The following CFAP58 variants were observed in gnomAD, a reference collection of about 807,000 sequenced individuals.
CFAP58 encodes cilia and flagella associated protein 58.
In CFAP58, 88 loss-of-function variants were observed where a neutral mutation model predicts 119.5. The observed-to-expected ratio is 0.74, with a 90% CI of 0.62 to 0.88. The LOEUF (loss-of-function observed/expected upper bound fraction) is 0.88, where lower values mean the gene tolerates loss of function less well. Among genes scored for constraint, CFAP58 ranks in the 40% least tolerant of loss-of-function variants. CFAP58 has a pLI of 0.00. For synonymous variants in CFAP58, 365 were observed against 366.3 expected (o/e 1.00, Z 0.04); for missense variants, 990 against 1,021.2 (o/e 0.97, Z 0.42).
intron 15 of CFAP58, among the ~76,000 whole-genome samples, chr10:104,445,538 A>G (rs1357933299): frequency 6.6e-6 from 1 of 152,018 alleles, no homozygotes; most frequent in Non-Finnish European, 1.5e-5. Flanking sequence ...TACCATCATT[A>G]CTCTCTAATG....
chr10:104,361,936 TG>T, intron 2 of CFAP58, 86 bp from the exon 3 acceptor site: 2 of 1,261,880 alleles, frequency 1.6e-6, no homozygotes, highest in Non-Finnish European at 1.1e-6. Flanking sequence ...AACTACACTG[TG>T]GTCATGGTAT....
chr10:104,362,533 C>T (rs2014684053), intron 3 of CFAP58, among the ~76,000 whole-genome samples: 1 of 152,072 alleles, frequency 6.6e-6, no homozygotes, highest in African/African-American at 2.4e-5. Flanking sequence ...CATCACCAAC[C>T]CTCCCACCCT....
chr10:104,358,026 T>TAC (rs1554912753), intron 1 of CFAP58, among the ~76,000 whole-genome samples: 4 of 146,710 alleles, frequency 2.7e-5, no homozygotes, highest in African/African-American at 7.9e-5. Context: ...TGTACATATA[T>TAC]ATACATATGT....
chr10:104,420,751 ATTTTT>A (rs66462966), intron 15 of CFAP58, among the ~76,000 whole-genome samples: 1 of 121,624 alleles, frequency 8.2e-6, no homozygotes. Context: ...TTTATATTTG[ATTTTT>A]TTTTTTTTTT....
At chr10:104,404,889 G>A (rs973746176) in intron 14 of CFAP58, among the ~76,000 whole-genome samples, 2 of 152,162 alleles carry the variant, frequency 1.3e-5, no homozygotes, top group Non-Finnish European at 1.5e-5. Flanking sequence ...GAGCCACCAC[G>A]CCCAGGCTTT....
At chr10:104,454,245 C>A (rs1472127827) in intron 17 of CFAP58, among the ~76,000 whole-genome samples, 177 bp from the exon 18 acceptor site, 1 of 151,990 alleles carries the variant, frequency 6.6e-6, no homozygotes, top group Non-Finnish European at 1.5e-5. Context: ...AATTGTCTTG[C>A]CCTAATTTTA....
chr10:104,382,478 T>C, intron 9 of CFAP58: 1 of 393,150 alleles, frequency 2.5e-6, no homozygotes, highest in Non-Finnish European at 4.7e-6. Context: ...ATTATTACTC[T>C]GGATATAAAC....
intron 15 of CFAP58, among the ~76,000 whole-genome samples, chr10:104,433,726 A>G (rs2012886970): frequency 6.6e-6 from 1 of 152,260 alleles, no homozygotes; most frequent in Non-Finnish European, 1.5e-5. Flanking sequence ...CAACTTGAGT[A>G]TTTAATTCCA....
chr10:104,402,897 TGA>T (rs771929875), intron 13 of CFAP58, among the ~76,000 whole-genome samples: 4 of 152,068 alleles, frequency 2.6e-5, no homozygotes, highest in Non-Finnish European at 4.4e-5. Flanking sequence ...CAATGTGTAG[TGA>T]GGGTAGAGAC....
chr10:104,366,675 C>A (rs1228485461), intron 5 of CFAP58, among the ~76,000 whole-genome samples: 1 of 152,052 alleles, frequency 6.6e-6, no homozygotes, highest in African/African-American at 2.4e-5. Context: ...GTACCAGCAT[C>A]ATTTCAAGTA....
At chr10:104,350,431 T>A (rs920589318), upstream of CFAP58, among the ~76,000 whole-genome samples, 1 of 152,190 alleles carries the variant, frequency 6.6e-6, no homozygotes, top group Non-Finnish European at 1.5e-5. Flanking sequence ...TCCAGAAAAT[T>A]GGAAATCAAA....
chr10:104,357,887 ATAAACATATATG>A (rs1468162508), intron 1 of CFAP58, among the ~76,000 whole-genome samples: 1,507 of 123,406 alleles, frequency 0.012, 32 homozygotes, highest in South Asian at 0.033. Context: ...GTACACATAT[ATAAACATATATG>A]TACACATATA....
chr10:104,339,143 C>A, the CFAP58 span, among the ~76,000 whole-genome samples: 12 of 152,256 alleles, frequency 7.9e-5, no homozygotes, highest in East Asian at 2.3e-3. Flanking sequence ...CCCTTCTCGG[C>A]CTTCCGAAGC....
intron 9 of CFAP58, among the ~76,000 whole-genome samples, chr10:104,390,334 T>C (rs1326000902): frequency 6.6e-6 from 1 of 152,170 alleles, no homozygotes; most frequent in East Asian, 1.9e-4. Flanking sequence ...CTACAAGGTA[T>C]TATTTGATGA....
At chr10:104,366,571 T>C (rs2014753966) in intron 5 of CFAP58, among the ~76,000 whole-genome samples, 1 of 152,274 alleles carries the variant, frequency 6.6e-6, no homozygotes, top group Non-Finnish European at 1.5e-5. Context: ...GTTATAGACT[T>C]GTGATGCCCA....
intron 7 of CFAP58, among the ~76,000 whole-genome samples, chr10:104,372,561 C>T (rs1251198924): frequency 6.6e-6 from 1 of 152,090 alleles, no homozygotes; most frequent in East Asian, 1.9e-4. Context: ...CATGGAGGAC[C>T]TCCATGGGGT....
chr10:104,358,012 TATATGTACATATATATAC>T (rs1285105407), intron 1 of CFAP58, among the ~76,000 whole-genome samples: 10 of 126,568 alleles, frequency 7.9e-5, no homozygotes, highest in African/African-American at 2.6e-4. Flanking sequence ...TATATACACA[TATATGTACATATATATAC>T]ATATGTACAT....
intron 15 of CFAP58, among the ~76,000 whole-genome samples, chr10:104,429,047 G>A (rs945279054): frequency 2.0e-5 from 3 of 152,300 alleles, no homozygotes; most frequent in African/African-American, 4.8e-5. Flanking sequence ...TGTTGAATTC[G>A]TAGCAGCTCC....
chr10:104,418,276 C>T (rs995773739), intron 15 of CFAP58, among the ~76,000 whole-genome samples: 16 of 152,162 alleles, frequency 1.1e-4, no homozygotes, highest in South Asian at 2.1e-4. Flanking sequence ...AGGCTGGGTG[C>T]GGTGGCTCAC....
Sources: allele counts gnomAD v4.1 joint callset (sites outside exome capture counted in the v4.1 genomes callset), GRCh38; gene constraint gnomAD v4.1.1; transcripts MANE v1.5; gene names NCBI Gene and HGNC (gene_info 2026-07-23, HGNC 2026-07-21).